VTI1A: variants seen among roughly 807,000 people sequenced by gnomAD.
VTI1A encodes vesicle transport through interaction with t-SNAREs 1A.
In VTI1A, 22 loss-of-function variants were observed where a neutral mutation model predicts 34.9. The ratio of observed to expected loss-of-function variants is 0.63; its 90% CI spans 0.45 to 0.90. The LOEUF is 0.90. Ranked by LOEUF, VTI1A falls within the 40% of genes least tolerant of loss-of-function variation. The probability of loss-of-function intolerance (pLI) is 0.00; values close to 1 mark genes in which losing one functional copy is unlikely to be tolerated. For missense variants in VTI1A, 268 were observed against 275.6 expected (o/e 0.97, Z 0.20); for synonymous variants, 87 against 97.3 (o/e 0.89, Z 0.62).
intron 5 of VTI1A, among the ~76,000 whole-genome samples, chr10:112,641,726 C>T (rs950223274): frequency 4.6e-5 from 7 of 152,174 alleles, no homozygotes; most frequent in South Asian, 2.1e-4. Flanking sequence ...AGTGAGAGCA[C>T]GAGATTAGCC....
rs567995356 is a variant in VTI1A, at chr10:112,578,668, AT to A, written c.427+40339del. On this transcript the variant is annotated intron_variant, in intron 5 of 7. Transcript: ENST00000393077. ...CATATTTGCATGATACTTTTACTTA[AT>A]ATTTTCAAATCTATTTTAAGTTAGC... 4.6e-5 allele frequency among the ~76,000 whole-genome samples: 7 copies of A among 152,330 alleles called. No individual in the cohort carries two copies. In the East Asian group the frequency reaches 1.4e-3, roughly 29 times the overall value.
rs535490154 is a variant in VTI1A at position 112,737,770 on chromosome 10, G to C, written c.560+68772G>C. Reference sequence around the variant, plus strand: ...TTTCCTCTCAGGACATACTTCTGGAGATCAAAAAAAAAAATTACAAATTGA... The same window carrying C: ...TTTCCTCTCAGGACATACTTCTGGACATCAAAAAAAAAAATTACAAATTGA... On this transcript the variant is annotated intron_variant, in intron 7 of 7. Transcript: ENST00000393077. The C allele has an allele frequency of 2.7e-5, 29 of 1,058,654 alleles. No homozygotes were observed. The African/African-American group carries it at 4.8e-4, about 17-fold the overall frequency. 65.6% of individuals were successfully genotyped at this position (1,058,654 alleles called of 1,614,324 possible).
chr10:112,660,850 T>C (rs1028765968), intron 5 of VTI1A, among the ~76,000 whole-genome samples: 1 of 152,234 alleles, frequency 6.6e-6, no homozygotes. Flanking sequence ...AACAGAATAC[T>C]TCTGTTTACC....
chr10:112,772,606 A>G (rs1418951041), intron 7 of VTI1A, among the ~76,000 whole-genome samples: 3 of 152,196 alleles, frequency 2.0e-5, no homozygotes, highest in Non-Finnish European at 2.9e-5. Flanking sequence ...CTAAGAGTCT[A>G]TTGTTAAAAC....
At chr10:112,458,948 G>T (rs1847637647) in intron 1 of VTI1A, among the ~76,000 whole-genome samples, 1 of 152,128 alleles carries the variant, frequency 6.6e-6, no homozygotes, top group Non-Finnish European at 1.5e-5. Flanking sequence ...TTACAGGCGT[G>T]AGCCACCGCG....
chr10:112,761,886 A>T (rs1328311467), intron 7 of VTI1A, among the ~76,000 whole-genome samples: 1 of 152,026 alleles, frequency 6.6e-6, no homozygotes, highest in African/African-American at 2.4e-5. Flanking sequence ...TTGCCATAAG[A>T]AACTATCTTA....
At chr10:112,648,805 T>A (rs1324837106) in intron 5 of VTI1A, among the ~76,000 whole-genome samples, 5 of 152,186 alleles carry the variant, frequency 3.3e-5, no homozygotes, top group African/African-American at 1.2e-4. Flanking sequence ...TCATAGGAGA[T>A]AAAAATTCCT....
At chr10:112,843,207 CA>C in the VTI1A span, among the ~76,000 whole-genome samples, 1 of 152,236 alleles carries the variant, frequency 6.6e-6, no homozygotes, top group Non-Finnish European at 1.5e-5. Context: ...TGAAGCTGTA[CA>C]GGGAAAGGGA....
In VTI1A at chr10:112,770,067, T is replaced by A. The variant is rs527950165; in HGVS notation, c.561-45223T>A. ...TGTTGGCAACGATTTTTTTTTTTTTTAATTTCAAACCGAGCAGGCCAAACC... is the reference window on the plus strand; with the variant it reads ...TGTTGGCAACGATTTTTTTTTTTTTAAATTTCAAACCGAGCAGGCCAAACC... On this transcript the variant is annotated intron_variant, in intron 7 of 7. Transcript: ENST00000393077. Among the ~76,000 whole-genome samples, 115 of 151,750 alleles carry A rather than the reference T, an allele frequency of 7.6e-4. 1 individual carries two copies. The highest frequency in any genetic ancestry group is 7.2e-3 in the Admixed American group (110 of 15,260).
chr10:112,705,826 T>C (rs930009643), intron 7 of VTI1A, among the ~76,000 whole-genome samples: 1 of 152,054 alleles, frequency 6.6e-6, no homozygotes, highest in Non-Finnish European at 1.5e-5. Context: ...CACCTAAAGG[T>C]CACCAAGGAG....
chr10:112,721,925 G>A (rs1273980108), intron 7 of VTI1A, among the ~76,000 whole-genome samples: 2 of 152,158 alleles, frequency 1.3e-5, no homozygotes, highest in Non-Finnish European at 2.9e-5. Context: ...TTCTGCATTG[G>A]GGGAGGTGGG....
chr10:112,556,258 G>A (rs1851540563), intron 5 of VTI1A, among the ~76,000 whole-genome samples: 1 of 152,006 alleles, frequency 6.6e-6, no homozygotes, highest in African/African-American at 2.4e-5. Context: ...TATTGGTAGA[G>A]AAGTCGCTTT....
intron 7 of VTI1A, among the ~76,000 whole-genome samples, chr10:112,716,293 C>A (rs1448693839): frequency 6.6e-6 from 1 of 152,168 alleles, no homozygotes; most frequent in South Asian, 2.1e-4. Flanking sequence ...GGCAACATGT[C>A]TTGGCATGTT....
chr10:112,541,453 A>T (rs1164642548), intron 5 of VTI1A, among the ~76,000 whole-genome samples: 1 of 152,240 alleles, frequency 6.6e-6, no homozygotes, highest in Non-Finnish European at 1.5e-5. Flanking sequence ...TGTTAAAATC[A>T]TCATTTTTAT....
chr10:112,707,872 G>A (rs188025305), intron 7 of VTI1A, among the ~76,000 whole-genome samples: 1 of 152,300 alleles, frequency 6.6e-6, no homozygotes, highest in Admixed American at 6.5e-5. Flanking sequence ...ATAAAAGTCT[G>A]TTTGGTTCAT....
intron 7 of VTI1A, among the ~76,000 whole-genome samples, chr10:112,709,682 CTTTTTTTTTTTTTTTTTTT>C: frequency 1.4e-5 from 1 of 70,284 alleles, no homozygotes; most frequent in Non-Finnish European, 2.6e-5. Flanking sequence ...CTCTATGTGG[CTTTTTTTTTTTTTTTTTTT>C]TTTTTTTTTG....
intron 3 of VTI1A, among the ~76,000 whole-genome samples, chr10:112,477,761 T>G (rs1429665335): frequency 6.6e-6 from 1 of 152,224 alleles, no homozygotes; most frequent in East Asian, 1.9e-4. Flanking sequence ...TAATCTCTTC[T>G]GAATTTTTTA....
chr10:112,838,293 C>G, the VTI1A span, among the ~76,000 whole-genome samples: 1 of 152,200 alleles, frequency 6.6e-6, no homozygotes, highest in Non-Finnish European at 1.5e-5. Flanking sequence ...GGGGTCAGAG[C>G]CAGAGACTAC....
Position 112,545,965 on chromosome 10 carries a change from C to T in VTI1A, c.427+7635C>T, listed in dbSNP as rs142611599. On this transcript the variant is annotated intron_variant, in intron 5 of 7. Transcript: ENST00000393077. The stretch of plus-strand genomic sequence containing the variant: ...GCATGTATATGTGTGTGTGTATATA[C>T]GTGTATACACGTATGTGTGTGTATA... Among the ~76,000 whole-genome samples, 28 of 147,176 alleles carry T rather than the reference C, an allele frequency of 1.9e-4. No individual in the cohort carries two copies. The East Asian group carries it at 3.1e-3, about 16-fold the overall frequency.
Sources: gnomAD v4.1 joint callset for allele counts (sites outside exome capture counted in the v4.1 genomes callset) on GRCh38, gnomAD v4.1.1 for gene constraint, MANE v1.5 for transcripts, NCBI Gene and HGNC (gene_info 2026-07-23, HGNC 2026-07-21) for gene names.